The following TRHDE variants were observed in gnomAD, a reference collection of about 807,000 sequenced individuals.
TRHDE encodes thyrotropin releasing hormone degrading enzyme, also known as thyrotropin-releasing hormone-degrading ectoenzyme.
Under a neutral mutation model 125.7 loss-of-function variants are expected in TRHDE, and 72 were observed. The observed-to-expected ratio is 0.57, with a 90% CI of 0.47 to 0.70. The LOEUF (loss-of-function observed/expected upper bound fraction) is 0.70. Ranked by LOEUF, TRHDE falls within the 30% of genes least tolerant of loss-of-function variation. The pLI, the probability that TRHDE is intolerant of heterozygous loss-of-function variation, is 0.00. For synonymous variants in TRHDE, 509 were observed against 509.1 expected (o/e 1.00, Z 0.00); for missense variants, 1,110 against 1,327.1 (o/e 0.84, Z 2.54).
chr12:72,483,203 C>G (rs1054190093), intron 5 of TRHDE, among the ~76,000 whole-genome samples: 3 of 151,790 alleles, frequency 2.0e-5, no homozygotes, highest in Admixed American at 6.6e-5. Context: ...TCAATGCCCT[C>G]TAAGTCTCAC....
intron 5 of TRHDE, among the ~76,000 whole-genome samples, chr12:72,493,290 CTA>C (rs1415878294): frequency 2.0e-5 from 3 of 151,830 alleles, no homozygotes; most frequent in African/African-American, 7.2e-5. Flanking sequence ...ATTTGGATAT[CTA>C]TATTTGCATC....
At chr12:72,170,108 C>G (rs535190767) in intron 2 of TRHDE, among the ~76,000 whole-genome samples, 1 of 152,238 alleles carries the variant, frequency 6.6e-6, no homozygotes, top group East Asian at 1.9e-4. Context: ...ATGGCAGGCT[C>G]AAGTCCAGTT....
chr12:72,161,104 T>G (rs1258479252), intron 2 of TRHDE, among the ~76,000 whole-genome samples: 1 of 152,168 alleles, frequency 6.6e-6, no homozygotes, highest in East Asian at 1.9e-4. Flanking sequence ...TGATAGACTT[T>G]GCCACTAATA....
intron 2 of TRHDE, among the ~76,000 whole-genome samples, chr12:72,203,227 C>T (rs1482160525): frequency 1.3e-5 from 2 of 151,984 alleles, no homozygotes; most frequent in Non-Finnish European, 2.9e-5. Context: ...TTTGGGAGGC[C>T]AAGGCAGGCG....
chr12:72,133,268 T>C (rs1335007560), intron 2 of TRHDE, among the ~76,000 whole-genome samples: 1 of 152,164 alleles, frequency 6.6e-6, no homozygotes, highest in African/African-American at 2.4e-5. Flanking sequence ...TGAGTCCTAG[T>C]GAAAGCAGTA....
At chr12:72,371,756 A>G (rs1469135950) in intron 2 of TRHDE, among the ~76,000 whole-genome samples, 1 of 152,022 alleles carries the variant, frequency 6.6e-6, no homozygotes, top group Non-Finnish European at 1.5e-5. Flanking sequence ...ATTCCATGGT[A>G]TATATGTGCC....
intron 2 of TRHDE, chr12:72,256,602 G>A (rs73350816): frequency 0.22 from 33,886 of 151,972 alleles, 4,241 homozygotes; most frequent in Middle Eastern, 0.35. Context: ...CCTTGCACAC[G>A]TTTGTTGCTT....
At chr12:72,144,649 C>T (rs11179085) in intron 2 of TRHDE, among the ~76,000 whole-genome samples, 11,157 of 152,196 alleles carry the variant, frequency 0.073, 688 homozygotes, top group African/African-American at 0.16. Flanking sequence ...ATTCATCTTC[C>T]TTGTTCCAAA....
chr12:72,224,372 G>A (rs1356982383), intron 2 of TRHDE, among the ~76,000 whole-genome samples: 1 of 152,026 alleles, frequency 6.6e-6, no homozygotes, highest in Non-Finnish European at 1.5e-5. Flanking sequence ...AGGTTGTGGT[G>A]CTCCGGAATA....
At chr12:72,603,936 A>G (rs1442660613) in intron 12 of TRHDE, among the ~76,000 whole-genome samples, 3 of 152,190 alleles carry the variant, frequency 2.0e-5, no homozygotes, top group Non-Finnish European at 4.4e-5. Flanking sequence ...AGATTTCTAC[A>G]AGCAAAAATA....
chr12:72,562,611 TAAC>T (rs1870232778), intron 8 of TRHDE, among the ~76,000 whole-genome samples: 1 of 152,046 alleles, frequency 6.6e-6, no homozygotes, highest in Admixed American at 6.5e-5. Flanking sequence ...GCTTTAATAA[TAAC>T]ATTTATTTTA....
intron 5 of TRHDE, among the ~76,000 whole-genome samples, chr12:72,493,259 A>G (rs1307107687): frequency 6.6e-6 from 1 of 151,976 alleles, no homozygotes; most frequent in Non-Finnish European, 1.5e-5. Context: ...AAATGAAAAT[A>G]CTGAAAAAGG....
rs528205463 is a variant in TRHDE, at chr12:72,385,541, T to C, written c.1315+7420T>C. 1.1e-4 allele frequency among the ~76,000 whole-genome samples: 16 copies of C among 152,286 alleles called. 1 individual carries two copies. In the South Asian group the frequency reaches 2.3e-3, roughly 22 times the overall value. ...AAATATCAGTTATCATTTTCTTCAA[T>C]TGGAAATATTTTTATATGTTTCTAA... On this transcript the variant is annotated intron_variant, in intron 3 of 18. Transcript: ENST00000261180.
intron 2 of TRHDE, among the ~76,000 whole-genome samples, chr12:72,113,805 G>A (rs1875378954): frequency 1.3e-5 from 2 of 151,988 alleles, no homozygotes; most frequent in Admixed American, 6.6e-5. Context: ...TTATGGTATT[G>A]GGAAGAATAA....
At chr12:72,490,310 A>G (rs1345233538) in intron 5 of TRHDE, among the ~76,000 whole-genome samples, 1 of 151,912 alleles carries the variant, frequency 6.6e-6, no homozygotes, top group Non-Finnish European at 1.5e-5. Context: ...GATGACTATT[A>G]TCAAAAAGTT....
At chr12:72,530,542 GTT>G (rs1216430795) in intron 6 of TRHDE, among the ~76,000 whole-genome samples, 2 of 110,710 alleles carry the variant, frequency 1.8e-5, no homozygotes, top group Admixed American at 9.8e-5. Flanking sequence ...TATTCTTCAG[GTT>G]TTTTTTTTTC....
At chr12:72,092,334 C>T (rs537276403) in intron 1 of TRHDE, among the ~76,000 whole-genome samples, 121 of 152,298 alleles carry the variant, frequency 7.9e-4, no homozygotes, top group Non-Finnish European at 1.1e-3. Context: ...AAGAAAGTCA[C>T]ATTATCAAAA....
chr12:72,506,835 G>A (rs112890419), intron 6 of TRHDE, among the ~76,000 whole-genome samples: 5 of 152,164 alleles, frequency 3.3e-5, no homozygotes, highest in African/African-American at 1.2e-4. Flanking sequence ...TGTCACTGTT[G>A]CCACCAGATA....
chr12:72,317,773 T>C (rs1046492627), intron 2 of TRHDE, among the ~76,000 whole-genome samples: 3 of 151,884 alleles, frequency 2.0e-5, no homozygotes, highest in Non-Finnish European at 4.4e-5. Context: ...AAGGGGGGAA[T>C]TATAGGATGG....
Sources: allele counts gnomAD v4.1 joint callset (sites outside exome capture counted in the v4.1 genomes callset), GRCh38; gene constraint gnomAD v4.1.1; transcripts MANE v1.5; gene names NCBI Gene and HGNC (gene_info 2026-07-23, HGNC 2026-07-21).